MRC1: variants seen among roughly 807,000 people sequenced by gnomAD.
The protein encoded by MRC1 is mannose receptor C-type 1, also known as macrophage mannose receptor 1.
MRC1 carries 62 observed loss-of-function variants against 102.9 expected under a neutral mutation model. The ratio of observed to expected loss-of-function variants is 0.60; its 90% CI spans 0.49 to 0.74. The LOEUF (loss-of-function observed/expected upper bound fraction) is 0.74, where lower values mean the gene tolerates loss of function less well. Among genes scored for constraint, MRC1 ranks in the 30% least tolerant of loss-of-function variants. MRC1 has a pLI of 0.00. For synonymous variants in MRC1, 457 were observed against 298.4 expected (o/e 1.53, Z -5.48); for missense variants, 1,237 against 862.8 (o/e 1.43, Z -5.43).
intron 4 of MRC1, among the ~76,000 whole-genome samples, chr10:17,839,958 C>T (rs1440343216): frequency 7.4e-5 from 11 of 149,458 alleles, no homozygotes; most frequent in African/African-American, 2.7e-4. Flanking sequence ...CCCAGCTACT[C>T]GAGAGGCTGA....
rs1833693600 is a variant in MRC1 at position 17,892,498 on chromosome 10, C to G, written c.3148-1712C>G. Among the ~76,000 whole-genome samples the G allele has an allele frequency of 3.9e-5, 6 of 152,254 alleles. No homozygotes were observed. In the South Asian group the frequency reaches 1.0e-3, roughly 26 times the overall value. ...CTGTTTGTCTTGTGACCTCCATTTT[C>G]CAATGCATTTAAGAGAAGTTGTTGA... On this transcript the variant is annotated intron_variant, in intron 22 of 29. Coordinates refer to ENST00000569591, the MANE Select transcript of MRC1 (RefSeq NM_002438.4).
intron 6 of MRC1, among the ~76,000 whole-genome samples, chr10:17,845,816 C>T (rs2130635049): frequency 6.6e-6 from 1 of 152,288 alleles, no homozygotes; most frequent in South Asian, 2.1e-4. Context: ...ATATTAGGTC[C>T]TCACGGCTCT....
At chr10:17,897,967 TATC>T (rs1254412591) in intron 23 of MRC1, 64 bp from the exon 24 acceptor site, 2 of 780,238 alleles carry the variant, frequency 2.6e-6, no homozygotes, top group Non-Finnish European at 4.8e-6. Context: ...GAGATACACT[TATC>T]ATTACTGATA....
chr10:17,824,809 T>C (rs1229108228), intron 2 of MRC1, among the ~76,000 whole-genome samples: 2 of 152,120 alleles, frequency 1.3e-5, no homozygotes, highest in Non-Finnish European at 2.9e-5. Context: ...TTTTAAAATA[T>C]AATATTATGC....
At chr10:17,844,275 G>C (rs916240732) in intron 5 of MRC1, among the ~76,000 whole-genome samples, 14 of 152,174 alleles carry the variant, frequency 9.2e-5, no homozygotes, top group African/African-American at 3.4e-4. Flanking sequence ...CTGGAGTGCA[G>C]TGGTGTGATC....
intron 20 of MRC1, 22 bp downstream of exon 20, chr10:17,880,692 A>G: frequency 9.0e-6 from 7 of 780,826 alleles, no homozygotes; most frequent in South Asian, 2.7e-5. Flanking sequence ...ATTAGTTGCA[A>G]TCTTGGCACT....
At chr10:17,871,051 C>G (rs1833348579) in intron 14 of MRC1, 116 bp downstream of exon 14, 3 of 743,090 alleles carry the variant, frequency 4.0e-6, no homozygotes, top group Non-Finnish European at 7.2e-6. Flanking sequence ...AGCCACTATC[C>G]TGCCATGCAA....
At chr10:17,908,937 A>C (rs1394296429) in intron 28 of MRC1, among the ~76,000 whole-genome samples, 1 of 151,880 alleles carries the variant, frequency 6.6e-6, no homozygotes, top group Non-Finnish European at 1.5e-5. Flanking sequence ...TAATTTCAAA[A>C]CCCCTAGCCT....
intron 25 of MRC1, 142 bp downstream of exon 25, chr10:17,901,095 CTATCTT>C: frequency 1.5e-6 from 1 of 673,318 alleles, no homozygotes; most frequent in South Asian, 1.8e-5. Context: ...TATCAAAAGA[CTATCTT>C]TATAAACCAA....
At chr10:17,853,185 C>T in intron 8 of MRC1, 61 bp downstream of exon 8, 1 of 776,954 alleles carries the variant, frequency 1.3e-6, no homozygotes, top group African/African-American at 1.7e-5. Context: ...TTCCTTCTGT[C>T]CCAGTCAGTT....
At chr10:17,859,745 A>G (rs1833152364) in intron 9 of MRC1, among the ~76,000 whole-genome samples, 1 of 152,132 alleles carries the variant, frequency 6.6e-6, no homozygotes, top group Non-Finnish European at 1.5e-5. Flanking sequence ...TACTTCTTGG[A>G]GTGCTTTAGA....
chr10:17,879,604 C>T, intron 18 of MRC1, 117 bp from the exon 19 acceptor site: 1 of 778,500 alleles, frequency 1.3e-6, no homozygotes, highest in Non-Finnish European at 2.4e-6. Flanking sequence ...CTCAGGTGAT[C>T]CACTCGCCTC....
rs1214038471 is a variant in MRC1, at chr10:17,877,831, A to G, written c.2551-69A>G. On this transcript the variant is annotated intron_variant, in intron 17 of 29. Transcript: ENST00000569591. ...CGATTAGGCTGCCTCATTAACATGT[A>G]TGTTTTGTTTAAGAACTTCCTGATT... The G allele has an allele frequency of 2.2e-5, 19 of 867,398 alleles. No individual in the cohort carries two copies. The Admixed American group carries it at 3.2e-4, about 15-fold the overall frequency. The allele number at this position is 867,398 out of a possible 1,614,324, so 53.7% of individuals were successfully genotyped here.
At chr10:17,885,526 C>T in intron 22 of MRC1, 91 bp downstream of exon 22, 1 of 743,606 alleles carries the variant, frequency 1.3e-6, no homozygotes, top group Non-Finnish European at 2.5e-6. Flanking sequence ...AAGAATCTAC[C>T]AGAATACTCC....
At chr10:17,810,192 T>G (rs1263800811) in intron 1 of MRC1, among the ~76,000 whole-genome samples, 1 of 152,222 alleles carries the variant, frequency 6.6e-6, no homozygotes, top group Non-Finnish European at 1.5e-5. Context: ...GTTGTTCAAA[T>G]TCTCAAATAC....
intron 11 of MRC1, among the ~76,000 whole-genome samples, chr10:17,866,259 A>G (rs528037796): frequency 0.029 from 4,366 of 152,188 alleles, 94 homozygotes; most frequent in Middle Eastern, 0.078. Flanking sequence ...AGCAGAGAAA[A>G]CCAGAAAGGG....
intron 22 of MRC1, among the ~76,000 whole-genome samples, chr10:17,887,655 TAACA>T (rs1298656373): frequency 4.6e-5 from 7 of 152,142 alleles, no homozygotes; most frequent in South Asian, 2.1e-4. Context: ...AAAAACAAAC[TAACA>T]AACAAAATCT....
intron 9 of MRC1, among the ~76,000 whole-genome samples, chr10:17,858,469 TTGTTGACTTTGC>T (rs1214265010): frequency 6.6e-6 from 1 of 152,148 alleles, no homozygotes; most frequent in Non-Finnish European, 1.5e-5. Context: ...ATTATTTTAT[TTGTTGACTTTGC>T]TCCCTGGTGT....
chr10:17,881,295 A>T, intron 21 of MRC1, 114 bp downstream of exon 21: 1 of 708,546 alleles, frequency 1.4e-6, no homozygotes, highest in Non-Finnish European at 2.6e-6. Flanking sequence ...TAAAAGCTAA[A>T]AAAGTGGAAA....
Sources: gnomAD v4.1 joint callset for allele counts (sites outside exome capture counted in the v4.1 genomes callset) on GRCh38, gnomAD v4.1.1 for gene constraint, MANE v1.5 for transcripts, NCBI Gene and HGNC (gene_info 2026-07-23, HGNC 2026-07-21) for gene names.